GLS: variants seen among roughly 807,000 people sequenced by gnomAD.
GLS encodes the protein glutaminase kidney isoform, mitochondrial.
Under a neutral mutation model 86.7 loss-of-function variants are expected in GLS, and 36 were observed. That is an observed-to-expected ratio of 0.42 (90% CI 0.32 to 0.55). GLS has a LOEUF of 0.55. GLS is among the 20% of genes least tolerant of loss of function. GLS has a pLI of 0.17. For missense variants in GLS, 528 were observed against 833.4 expected, an observed-to-expected ratio of 0.63 and a Z score of 4.51; for synonymous variants, 317 against 305.9, an observed-to-expected ratio of 1.04 and a Z score of -0.38.
At chr2:190,915,816 G>T (rs1446228217) in intron 7 of GLS, among the ~76,000 whole-genome samples, 1 of 152,164 alleles carries the variant, frequency 6.6e-6, no homozygotes, top group Non-Finnish European at 1.5e-5. Context: ...GTGAACCATT[G>T]TAATAACTGG....
intron 14 of GLS, chr2:190,933,915 T>C (rs1690188952): frequency 2.2e-6 from 2 of 916,510 alleles, no homozygotes; most frequent in Non-Finnish European, 2.6e-6. Context: ...CTAAATCCTT[T>C]TATTTGGTAT....
At chr2:190,957,195 A>G (rs1690880479) in intron 17 of GLS, among the ~76,000 whole-genome samples, 1 of 152,272 alleles carries the variant, frequency 6.6e-6, no homozygotes, top group Non-Finnish European at 1.5e-5. Context: ...GGCTCAAGCA[A>G]TTCTCCTGCC....
At chr2:190,908,439 T>C (rs1469766158) in intron 6 of GLS, among the ~76,000 whole-genome samples, 1 of 152,208 alleles carries the variant, frequency 6.6e-6, no homozygotes, top group Non-Finnish European at 1.5e-5. Flanking sequence ...AATAAATACT[T>C]GTTAAAATTG....
intron 14 of GLS, among the ~76,000 whole-genome samples, chr2:190,944,901 T>G (rs1211837288): frequency 6.6e-6 from 1 of 152,216 alleles, no homozygotes; most frequent in Non-Finnish European, 1.5e-5. Flanking sequence ...TCCCTTCATT[T>G]AAAAAACACC....
chr2:190,957,636 CA>C (rs1473073622), intron 17 of GLS, among the ~76,000 whole-genome samples: 2 of 152,152 alleles, frequency 1.3e-5, no homozygotes, highest in Non-Finnish European at 2.9e-5. Flanking sequence ...TGGATTTTGT[CA>C]AAGGCCTTTT....
rs1690340794 is a variant in GLS at position 190,938,599 on chromosome 2, C to T, written c.1650+6962C>T. The stretch of plus-strand genomic sequence containing the variant: ...CCACTCAGCCCCCTTTTCCAGGTTT[C>T]CTAGCACTTTGCTTTTTCTATTAGC... On this transcript the variant is annotated intron_variant, in intron 14 of 17. Transcript: ENST00000320717. The surrounding 1 kb of genome is among the most constrained non-coding windows in gnomAD (Gnocchi z 4.1). Among the ~76,000 whole-genome samples, 1 of 151,648 alleles carries T rather than the reference C, an allele frequency of 6.6e-6. No homozygotes were observed. Among genetic ancestry groups the T allele is most frequent in the African/African-American group, 2.4e-5 (1 of 41,422 alleles).
In GLS at chr2:190,895,424, AAAAG is replaced by A. The variant is rs1688699207; in HGVS notation, c.484-172_484-169del. 5.4e-6 allele frequency: 3 copies of A among 556,962 alleles called. No individual in the cohort carries two copies. The highest frequency in any genetic ancestry group is 6.7e-5 in the South Asian group (2 of 29,948). 34.5% of individuals were successfully genotyped at this position (556,962 alleles called of 1,614,324 possible). ...TCATTTCAAGGTAATCAGTGAAAGA[AAAAG>A]AAAGAAACAATGAGAAACTTGTCCA... On this transcript the variant is annotated intron_variant, in intron 2 of 17. Transcript: ENST00000320717. This position sits in a 1 kb window ranked among gnomAD's most constrained non-coding sequence, Gnocchi z 4.2.
chr2:190,958,340 A>G (rs1223489588), intron 17 of GLS, among the ~76,000 whole-genome samples: 1 of 151,890 alleles, frequency 6.6e-6, no homozygotes, highest in Admixed American at 6.6e-5. Flanking sequence ...TAGTCTTGCT[A>G]GTGGTCTATT....
At chr2:190,922,961 C>G (rs1398078526) in intron 9 of GLS, among the ~76,000 whole-genome samples, 1 of 152,164 alleles carries the variant, frequency 6.6e-6, no homozygotes, top group African/African-American at 2.4e-5. Context: ...TCCTCTCAGG[C>G]TATGTTAGAA....
intron 1 of GLS, among the ~76,000 whole-genome samples, chr2:190,891,915 CA>C (rs1316691884): frequency 6.6e-6 from 1 of 152,054 alleles, no homozygotes; most frequent in Admixed American, 6.5e-5. Context: ...GTCTGTTTGC[CA>C]GAAATCTTTT....
chr2:190,912,165 T>G lies in GLS; in HGVS notation c.1038+1844T>G, dbSNP rs543441857. Among the ~76,000 whole-genome samples, 6 of 152,218 alleles carry G rather than the reference T, an allele frequency of 3.9e-5. No individual in the cohort carries two copies. The South Asian group carries it at 1.2e-3, about 32-fold the overall frequency. ...AAGATACATACAACATAAGTGTGGT[T>G]CAGTGTTCAACAGTGCAAAAATTTA... On this transcript the variant is annotated intron_variant, in intron 7 of 17. Coordinates refer to ENST00000320717, the MANE Select transcript of GLS (RefSeq NM_014905.5).
chr2:190,931,671 A>C, intron 14 of GLS, 34 bp downstream of exon 14: 1 of 995,296 alleles, frequency 1.0e-6, no homozygotes, highest in South Asian at 1.5e-5. Context: ...AAGTATATAA[A>C]ATTTTTAAGA....
chr2:190,958,816 A>T (rs1690924790), intron 17 of GLS, among the ~76,000 whole-genome samples: 2 of 152,164 alleles, frequency 1.3e-5, no homozygotes, highest in South Asian at 4.1e-4. Flanking sequence ...GCATTTGCTG[A>T]GGAGTGTTTT....
chr2:190,885,018 T>G (rs1400610644), intron 1 of GLS, among the ~76,000 whole-genome samples: 1 of 152,210 alleles, frequency 6.6e-6, no homozygotes, highest in Admixed American at 6.5e-5. Context: ...TATTTGTAAT[T>G]ACACAAATAA....
intron 1 of GLS, chr2:190,881,778 G>T (rs1421113892): frequency 7.2e-6 from 2 of 277,088 alleles, no homozygotes; most frequent in Non-Finnish European, 1.4e-5. Context: ...CCGCTCCCCT[G>T]CCCGCGCTGC....
chr2:190,937,721 A>T (rs1184442159), intron 14 of GLS, among the ~76,000 whole-genome samples: 1 of 151,332 alleles, frequency 6.6e-6, no homozygotes, highest in East Asian at 1.9e-4. Flanking sequence ...TGCCATGTAT[A>T]GAAAACCTGT....
At chr2:190,942,131 G>A in intron 14 of GLS, among the ~76,000 whole-genome samples, 1 of 123,564 alleles carries the variant, frequency 8.1e-6, no homozygotes, top group East Asian at 2.7e-4. Flanking sequence ...CCAGGCTGGA[G>A]TGCAGTGGAG....
At chr2:190,959,763 T>C (rs1038208072) in intron 17 of GLS, among the ~76,000 whole-genome samples, 1 of 152,204 alleles carries the variant, frequency 6.6e-6, no homozygotes, top group Non-Finnish European at 1.5e-5. Flanking sequence ...TTTATCAGCA[T>C]ACAAACTTGC....
rs542496890 is a variant in GLS, at chr2:190,895,308, G to A, written c.483+60G>A. ...AAATCAATAATAATAAATATATACA[G>A]TATTATTGAAATATAGTCTTAAAGG... On this transcript the variant is annotated intron_variant, in intron 2 of 17. Coordinates refer to ENST00000320717, the MANE Select transcript of GLS (RefSeq NM_014905.5). The surrounding 1 kb of genome is among the most constrained non-coding windows in gnomAD (Gnocchi z 4.2). 1.4e-3 allele frequency: 974 copies of A among 681,164 alleles called. 2 individuals carry two copies. The highest frequency in any genetic ancestry group is 2.1e-3 in the Non-Finnish European group (805 of 389,636). 42.2% of individuals were successfully genotyped at this position (681,164 alleles called of 1,614,324 possible).
Sources: allele counts gnomAD v4.1 joint callset (sites outside exome capture counted in the v4.1 genomes callset), GRCh38; gene constraint gnomAD v4.1.1; non-coding constraint Gnocchi (gnomAD v3.1); transcripts MANE v1.5; gene names NCBI Gene and HGNC (gene_info 2026-07-23, HGNC 2026-07-21).